Variants in FGF14 observed in about 807,000 individuals in gnomAD.
FGF14 encodes the protein fibroblast growth factor 14, also known as fibroblast growth factor homologous factor 4.
In FGF14, 5 loss-of-function variants were observed where a neutral mutation model predicts 25.5. That is an observed-to-expected ratio of 0.20 (90% CI 0.10 to 0.41). The LOEUF (loss-of-function observed/expected upper bound fraction) is 0.41, where lower values mean the gene tolerates loss of function less well. Among genes scored for constraint, FGF14 ranks in the 10% least tolerant of loss-of-function variants. The probability of loss-of-function intolerance (pLI) is 1.00; values close to 1 mark genes in which losing one functional copy is unlikely to be tolerated. For synonymous variants in FGF14, 138 were observed against 118.3 expected (o/e 1.17, Z -1.08); for missense variants, 222 against 320.1 (o/e 0.69, Z 2.34).
chr13:102,111,707 T>C (rs594041), intron 1 of FGF14, among the ~76,000 whole-genome samples: 78,968 of 148,866 alleles, frequency 0.53, 22,248 homozygotes, highest in East Asian at 0.75. Flanking sequence ...CAGAGCAAGA[T>C]TCTGTCTAAA....
chr13:101,804,825 A>G (rs2041108730), intron 3 of FGF14, among the ~76,000 whole-genome samples: 1 of 152,106 alleles, frequency 6.6e-6, no homozygotes, highest in Non-Finnish European at 1.5e-5. Context: ...TTCGCATTTA[A>G]GAAAATTATA....
intron 1 of FGF14, among the ~76,000 whole-genome samples, chr13:101,930,856 T>C (rs1249123789): frequency 1.3e-5 from 2 of 152,228 alleles, no homozygotes; most frequent in Non-Finnish European, 2.9e-5. Flanking sequence ...GAAGGGGACT[T>C]ACAATCATCT....
intron 1 of FGF14, among the ~76,000 whole-genome samples, chr13:102,161,570 A>AAGAAGGAAGAAGAAGAAGAAGAAGAAG: frequency 1.8e-4 from 1 of 5,652 alleles, no homozygotes; most frequent in South Asian, 8.1e-3. Flanking sequence ...TTCTGTGAAG[A>AAGAAGGAAGAAGAAGAAGAAGAAGAAG]AAGAAAGAAG....
At chr13:101,752,142 T>C (rs1344462133) in intron 3 of FGF14, among the ~76,000 whole-genome samples, 1 of 152,208 alleles carries the variant, frequency 6.6e-6, no homozygotes. Context: ...ATTATCACCT[T>C]TGATACACTT....
At chr13:102,146,480 G>A (rs1353536960) in intron 1 of FGF14, among the ~76,000 whole-genome samples, 1 of 152,048 alleles carries the variant, frequency 6.6e-6, no homozygotes, top group Non-Finnish European at 1.5e-5. Flanking sequence ...TTCCTAATTC[G>A]TTCAACCAAT....
chr13:102,317,649 G>T (rs2056084282), intron 1 of FGF14, among the ~76,000 whole-genome samples: 1 of 152,144 alleles, frequency 6.6e-6, no homozygotes, highest in Admixed American at 6.5e-5. Context: ...AGAGGCTTGA[G>T]TAAGCTGAGA....
intron 1 of FGF14, chr13:102,017,079 T>A (rs2040386667): frequency 6.3e-6 from 1 of 159,906 alleles, no homozygotes; most frequent in South Asian, 1.8e-4. Context: ...CTGTTTTTTT[T>A]AACATACACT....
At chr13:101,781,737 C>G (rs1274236238) in intron 3 of FGF14, among the ~76,000 whole-genome samples, 2 of 152,124 alleles carry the variant, frequency 1.3e-5, no homozygotes, top group African/African-American at 4.8e-5. Flanking sequence ...CTTTTGTCTC[C>G]ACATAACACA....
chr13:101,872,961 A>G (rs905724207), intron 2 of FGF14, among the ~76,000 whole-genome samples: 4 of 152,002 alleles, frequency 2.6e-5, no homozygotes, highest in African/African-American at 9.7e-5. Context: ...TCTCACTAGC[A>G]TTTAGAGTGT....
In FGF14 at chr13:101,868,755, G is replaced by A; in HGVS notation, c.378C>T (p.Ala126=). 2 of 1,612,972 alleles carry A rather than the reference G, an allele frequency of 1.2e-6. No individual in the cohort carries two copies. The highest frequency in any genetic ancestry group is 1.1e-5 in the South Asian group (1 of 91,060). The part of the protein sequence containing the change: ...IQGVKTGLYI[A]MNGEGYLYPS... Reference sequence around the variant, plus strand: ...GGTAGAGGTAACCTTCTCCATTCATGGCTATATACAACCCTGTTTTCACTC... The same window carrying A: ...GGTAGAGGTAACCTTCTCCATTCATAGCTATATACAACCCTGTTTTCACTC... The change falls in exon 3 of 5, where the codon GCC becomes GCT. Residue 126 remains alanine (A), a synonymous_variant. Coordinates refer to ENST00000376143, the MANE Select transcript of FGF14 (RefSeq NM_004115.4).
At chr13:102,249,376 C>A (rs1280416652) in intron 1 of FGF14, among the ~76,000 whole-genome samples, 4 of 152,088 alleles carry the variant, frequency 2.6e-5, no homozygotes, top group African/African-American at 9.7e-5. Context: ...AACAAACAAA[C>A]AAAAAATGTA....
At chr13:101,768,365 A>G (rs1014198799) in intron 3 of FGF14, among the ~76,000 whole-genome samples, 2 of 151,934 alleles carry the variant, frequency 1.3e-5, no homozygotes, top group South Asian at 2.1e-4. Context: ...GGGTAGGAAG[A>G]CTCAATATTG....
At position 102,334,372 on chromosome 13, in the gene FGF14, T is replaced by C. The variant is rs145826297; in HGVS notation, c.208+67099A>G. 3.3e-5 allele frequency among the ~76,000 whole-genome samples: 5 copies of C among 152,286 alleles called. No homozygotes were observed. In the South Asian group the frequency reaches 6.2e-4, roughly 19 times the overall value. On this transcript the variant is annotated intron_variant, in intron 1 of 4. Transcript: ENST00000376131. ...ATGAAACCCACCTCAGAAGACATGA[T>C]GTTCAGCATTAGCCTGATGGTTTGG...
chr13:102,282,797 C>T (rs1318488660), intron 1 of FGF14, among the ~76,000 whole-genome samples: 3 of 151,564 alleles, frequency 2.0e-5, no homozygotes, highest in Non-Finnish European at 4.4e-5. Flanking sequence ...ACTCATATTC[C>T]ATTGGCCAAG....
In FGF14 at chr13:101,994,951, C is replaced by T. The variant is rs553701608; in HGVS notation, c.209-119655G>A. Among the ~76,000 whole-genome samples the T allele has an allele frequency of 2.3e-3, 349 of 152,060 alleles. 2 individuals are homozygous for T. The highest frequency in any genetic ancestry group is 6.8e-3 in the Middle Eastern group (2 of 292). ...GCATATTACATTATACATTATATGG[C>T]TAATAATTATGCAATACATTATTTG... On this transcript the variant is annotated intron_variant, in intron 1 of 4. Transcript: ENST00000376131.
chr13:101,976,557 C>T (rs1305917019), intron 1 of FGF14, among the ~76,000 whole-genome samples: 1 of 152,004 alleles, frequency 6.6e-6, no homozygotes, highest in Non-Finnish European at 1.5e-5. Flanking sequence ...TGAGCTAGCC[C>T]CCAATAGGTT....
intron 3 of FGF14, among the ~76,000 whole-genome samples, chr13:101,867,497 C>T (rs533883832): frequency 6.6e-6 from 1 of 152,176 alleles, no homozygotes; most frequent in South Asian, 2.1e-4. Context: ...TAAAATATTA[C>T]TTGGGAAGAA....
chr13:102,156,518 A>G (rs1566756044), intron 1 of FGF14, among the ~76,000 whole-genome samples: 1 of 152,252 alleles, frequency 6.6e-6, no homozygotes, highest in Non-Finnish European at 1.5e-5. Context: ...TCTCAAAATC[A>G]TAAGAGCTAT....
At chr13:101,852,332 A>G (rs2043894348) in intron 3 of FGF14, among the ~76,000 whole-genome samples, 1 of 152,140 alleles carries the variant, frequency 6.6e-6, no homozygotes, top group Non-Finnish European at 1.5e-5. Flanking sequence ...ATTCCTAATT[A>G]CCCACAAGCA....
Sources: gnomAD v4.1 joint callset for allele counts (sites outside exome capture counted in the v4.1 genomes callset) on GRCh38, gnomAD v4.1.1 for gene constraint, MANE v1.5 for transcripts, NCBI Gene and HGNC (gene_info 2026-07-23, HGNC 2026-07-21) for gene names.